Variants in CBLB observed in about 807,000 individuals in gnomAD.
The protein encoded by CBLB is Cbl proto-oncogene B.
CBLB carries 31 observed loss-of-function variants against 104.9 expected under a neutral mutation model. That is an observed-to-expected ratio of 0.30 (90% CI 0.22 to 0.40). CBLB has a LOEUF of 0.40. Ranked by LOEUF, CBLB falls within the 10% of genes least tolerant of loss-of-function variation. CBLB has a pLI of 1.00. For synonymous variants in CBLB, 440 were observed against 422.6 expected, an observed-to-expected ratio of 1.04 and a Z score of -0.51; for missense variants, 1,062 against 1,214.6, an observed-to-expected ratio of 0.87 and a Z score of 1.87.
At position 105,866,373 on chromosome 3, in the gene CBLB, T is replaced by C. The variant is rs1046388413; in HGVS notation, c.168+1037A>G. Among the ~76,000 whole-genome samples the C allele has an allele frequency of 1.1e-4, 16 of 152,248 alleles. 1 individual carries two copies. The South Asian group carries it at 3.3e-3, about 31-fold the overall frequency. On this transcript the variant is annotated intron_variant, in intron 2 of 18. Coordinates refer to ENST00000394030, the MANE Select transcript of CBLB (RefSeq NM_170662.5). ...AGATGAATGTTATCACATGATTTCA[T>C]GGATGCTTTGGCACATCCTTACACA...
chr3:105,728,216 G>A (rs4627779), intron 9 of CBLB, among the ~76,000 whole-genome samples: 32,822 of 151,772 alleles, frequency 0.22, 3,670 homozygotes, highest in Admixed American at 0.26. Context: ...AGAAAACCCC[G>A]TCGTCTCAGC....
intron 9 of CBLB, among the ~76,000 whole-genome samples, chr3:105,723,794 T>G (rs1279849372): frequency 6.6e-6 from 1 of 152,096 alleles, no homozygotes; most frequent in African/African-American, 2.4e-5. Flanking sequence ...TTTTTCAAGA[T>G]AGCATTATAT....
intron 3 of CBLB, among the ~76,000 whole-genome samples, chr3:105,800,400 A>G (rs1373453587): frequency 6.6e-6 from 1 of 152,112 alleles, no homozygotes; most frequent in Non-Finnish European, 1.5e-5. Context: ...TGCATATCGG[A>G]ATCATCTGAG....
Position 105,771,680 on chromosome 3 carries a change from G to T in CBLB, c.566+4716C>A, listed in dbSNP as rs1156969026. Reference sequence around the variant, plus strand: ...CTCCCAGATCTTATAAATGAATTCAGTAAAGTCTCTGGACACAAAATCAAT... The same window carrying T: ...CTCCCAGATCTTATAAATGAATTCATTAAAGTCTCTGGACACAAAATCAAT... On this transcript the variant is annotated intron_variant, in intron 4 of 18. Coordinates refer to ENST00000394030, the MANE Select transcript of CBLB (RefSeq NM_170662.5). Among the ~76,000 whole-genome samples the T allele has an allele frequency of 3.3e-5, 5 of 152,312 alleles. No individual in the cohort carries two copies. The East Asian group carries it at 7.7e-4, about 23-fold the overall frequency.
At chr3:105,731,473 G>C (rs1488752658) in intron 9 of CBLB, among the ~76,000 whole-genome samples, 1 of 152,026 alleles carries the variant, frequency 6.6e-6, no homozygotes, top group Non-Finnish European at 1.5e-5. Context: ...TGTGAAGTTA[G>C]GACTTAAGTA....
chr3:105,729,663 A>G (rs983113445), intron 9 of CBLB, among the ~76,000 whole-genome samples: 1 of 152,112 alleles, frequency 6.6e-6, no homozygotes, highest in African/African-American at 2.4e-5. Flanking sequence ...TTGTGGAACT[A>G]TGAAGTGTGC....
At chr3:105,790,330 C>A (rs1049911123) in intron 3 of CBLB, among the ~76,000 whole-genome samples, 5 of 152,186 alleles carry the variant, frequency 3.3e-5, no homozygotes, top group Non-Finnish European at 5.9e-5. Context: ...AAAATCTTTA[C>A]ATTTTCTTAC....
chr3:105,706,569 A>C (rs1298875660), intron 10 of CBLB, among the ~76,000 whole-genome samples: 1 of 152,156 alleles, frequency 6.6e-6, no homozygotes, highest in Admixed American at 6.5e-5. Context: ...AAAATTCCTC[A>C]TGTAAAGCTA....
chr3:105,692,467 A>G (rs146422102), intron 13 of CBLB, among the ~76,000 whole-genome samples: 1 of 152,300 alleles, frequency 6.6e-6, no homozygotes, highest in East Asian at 1.9e-4. Context: ...AACATTTCAC[A>G]AAGAAATAGA....
At chr3:105,735,771 C>T (rs560130412) in intron 8 of CBLB, among the ~76,000 whole-genome samples, 1 of 152,052 alleles carries the variant, frequency 6.6e-6, no homozygotes, top group Non-Finnish European at 1.5e-5. Flanking sequence ...CATGGAGAAA[C>T]CCCATCTCTA....
At chr3:105,723,488 C>A (rs1331822757) in intron 9 of CBLB, among the ~76,000 whole-genome samples, 1 of 152,068 alleles carries the variant, frequency 6.6e-6, no homozygotes, top group Non-Finnish European at 1.5e-5. Flanking sequence ...TAAATTCTGT[C>A]ATTTCTCATA....
In CBLB at chr3:105,851,707, A is replaced by G. The variant is rs1475820890; in HGVS notation, c.419+1707T>C. On this transcript the variant is annotated intron_variant, in intron 3 of 18. Transcript: ENST00000394030. Reference sequence around the variant, plus strand: ...AATGAAGTCTATTAAAACATTGAGAATACTGTCTCATGAACTAGCTACTAT... The same window carrying G: ...AATGAAGTCTATTAAAACATTGAGAGTACTGTCTCATGAACTAGCTACTAT... Among the ~76,000 whole-genome samples the G allele has an allele frequency of 2.0e-5, 3 of 152,316 alleles. No homozygotes were observed. In the East Asian group the frequency reaches 5.8e-4, roughly 29 times the overall value.
chr3:105,721,068 T>A (rs530284932), intron 9 of CBLB, among the ~76,000 whole-genome samples: 101 of 152,334 alleles, frequency 6.6e-4, no homozygotes, highest in Non-Finnish European at 1.3e-3. Context: ...ACAGACAACA[T>A]TGCTTTCTAG....
chr3:105,687,031 C>G (rs1374056219), intron 13 of CBLB, among the ~76,000 whole-genome samples: 1 of 152,058 alleles, frequency 6.6e-6, no homozygotes, highest in Non-Finnish European at 1.5e-5. Context: ...TATAATATTA[C>G]TTTTCCATAA....
At chr3:105,783,900 GAGA>G (rs1277480914) in intron 3 of CBLB, among the ~76,000 whole-genome samples, 1 of 152,188 alleles carries the variant, frequency 6.6e-6, no homozygotes, top group Non-Finnish European at 1.5e-5. Context: ...TATGCATGAA[GAGA>G]AGGACTACAA....
At chr3:105,688,467 G>A (rs3772536) in intron 13 of CBLB, among the ~76,000 whole-genome samples, 29,794 of 151,754 alleles carry the variant, frequency 0.2, 3,055 homozygotes, top group Admixed American at 0.25. Context: ...GAATTTTCAC[G>A]CCAGCACAGG....
In CBLB at chr3:105,668,383, A is replaced by C. The variant is rs574010941; in HGVS notation, c.2689+1850T>G. Among the ~76,000 whole-genome samples, 8 of 152,322 alleles carry C rather than the reference A, an allele frequency of 5.3e-5. No individual in the cohort carries two copies. The South Asian group carries it at 1.7e-3, about 32-fold the overall frequency. On this transcript the variant is annotated intron_variant, in intron 18 of 18. Transcript: ENST00000394030. ...GGAGAAAACTGTAAAGAAGCTGTGA[A>C]AACACTGTGTTTTGGCTACAAGTTT... is the stretch of plus-strand genomic sequence containing the variant.
At chr3:105,854,882 C>T (rs540682285) in intron 2 of CBLB, among the ~76,000 whole-genome samples, 4 of 152,242 alleles carry the variant, frequency 2.6e-5, no homozygotes, top group Admixed American at 6.5e-5. Context: ...CCACCCGCCT[C>T]GGCCTCCCAA....
At chr3:105,781,308 T>C (rs758837142) in intron 3 of CBLB, among the ~76,000 whole-genome samples, 10 of 152,338 alleles carry the variant, frequency 6.6e-5, no homozygotes, top group Admixed American at 1.3e-4. Context: ...ATTAGCATGC[T>C]GACTCTGTTG....
Sources: gnomAD v4.1 joint callset for allele counts (sites outside exome capture counted in the v4.1 genomes callset) on GRCh38, gnomAD v4.1.1 for gene constraint, MANE v1.5 for transcripts, NCBI Gene and HGNC (gene_info 2026-07-23, HGNC 2026-07-21) for gene names.